Variants in CORO2B observed in about 807,000 individuals in gnomAD.
The protein encoded by CORO2B is coronin 2B, also known as coronin-2B.
Under a neutral mutation model 58.8 loss-of-function variants are expected in CORO2B, and 26 were observed. The observed-to-expected ratio is 0.44, with a 90% CI of 0.32 to 0.61. CORO2B has a LOEUF of 0.61. Ranked by LOEUF, CORO2B falls within the 20% of genes least tolerant of loss-of-function variation. CORO2B has a pLI of 0.04. For missense variants in CORO2B, 460 were observed against 645.1 expected (o/e 0.71, Z 3.11); for synonymous variants, 242 against 253.8 (o/e 0.95, Z 0.44).
chr15:68,682,781 C>G (rs1333433961), intron 2 of CORO2B, among the ~76,000 whole-genome samples: 2 of 152,172 alleles, frequency 1.3e-5, no homozygotes, highest in African/African-American at 2.4e-5. Context: ...AACCCAGGTC[C>G]CCTGAATCCC....
chr15:68,696,556 T>G (rs1193827220), intron 3 of CORO2B, among the ~76,000 whole-genome samples: 1 of 11,364 alleles, frequency 8.8e-5, no homozygotes, highest in African/African-American at 1.7e-4. Context: ...AGACTCTGCC[T>G]CAAAAAAAAA....
chr15:68,545,069 C>T, the CORO2B span, among the ~76,000 whole-genome samples: 1 of 152,184 alleles, frequency 6.6e-6, no homozygotes, highest in Non-Finnish European at 1.5e-5. Context: ...CCACCACGCC[C>T]GGCCTGCAAG....
At chr15:68,597,194 T>C (rs1459963078) in intron 1 of CORO2B, among the ~76,000 whole-genome samples, 1 of 151,208 alleles carries the variant, frequency 6.6e-6, no homozygotes, top group Admixed American at 6.6e-5. Flanking sequence ...CAGAGAGAGG[T>C]GGCTTTGCTC....
intron 2 of CORO2B, among the ~76,000 whole-genome samples, chr15:68,656,827 G>A (rs150716557): frequency 5.9e-5 from 9 of 152,312 alleles, no homozygotes; most frequent in Admixed American, 2.0e-4. Context: ...AGACATGCTA[G>A]TCCTAACCCC....
At chr15:68,689,549 AGTGTTG>A (rs1334596764) in intron 2 of CORO2B, among the ~76,000 whole-genome samples, 2 of 152,182 alleles carry the variant, frequency 1.3e-5, no homozygotes, top group Non-Finnish European at 1.5e-5. Context: ...GCCATGTGTT[AGTGTTG>A]GTGTTAGTGT....
At chr15:68,526,799 T>G in the CORO2B span, among the ~76,000 whole-genome samples, 3 of 152,248 alleles carry the variant, frequency 2.0e-5, no homozygotes, top group Admixed American at 2.0e-4. Flanking sequence ...TTTGTGTATG[T>G]GTACCTAGTA....
At position 68,644,972 on chromosome 15, in the gene CORO2B, G is replaced by A. The variant is rs531254211; in HGVS notation, c.16-188G>A. ...ATTAAAAGATGAAACCCACTAGAACGGGCTGGGCATATGAGTGTGCCCTGA... is the reference window on the plus strand; with the variant it reads ...ATTAAAAGATGAAACCCACTAGAACAGGCTGGGCATATGAGTGTGCCCTGA... On this transcript the variant is annotated intron_variant, in intron 1 of 11. Coordinates refer to ENST00000261861, the MANE Select transcript of CORO2B (RefSeq NM_006091.5). Among the ~76,000 whole-genome samples the A allele has an allele frequency of 2.0e-4, 31 of 152,264 alleles. No individual in the cohort carries two copies. The South Asian group carries it at 5.8e-3, about 29-fold the overall frequency.
At chr15:68,538,721 A>G in the CORO2B span, among the ~76,000 whole-genome samples, 1 of 151,974 alleles carries the variant, frequency 6.6e-6, no homozygotes, top group Admixed American at 6.6e-5. Flanking sequence ...ATATAACAAA[A>G]AAAACCCAGC....
chr15:68,658,258 G>C (rs757384536), intron 2 of CORO2B, among the ~76,000 whole-genome samples: 1 of 152,194 alleles, frequency 6.6e-6, no homozygotes, highest in South Asian at 2.1e-4. Context: ...ACCAGGGAGA[G>C]GGAACAGCTG....
At chr15:68,695,051 A>G in intron 2 of CORO2B, 89 bp from the exon 3 acceptor site, 1 of 951,688 alleles carries the variant, frequency 1.1e-6, no homozygotes, top group Non-Finnish European at 1.7e-6. Context: ...AGTCCAGTTG[A>G]GAGGCCCAGA....
At chr15:68,620,171 C>G (rs1048922610) in intron 1 of CORO2B, among the ~76,000 whole-genome samples, 3 of 152,186 alleles carry the variant, frequency 2.0e-5, no homozygotes, top group Non-Finnish European at 4.4e-5. Flanking sequence ...CTTGGCCTCC[C>G]AAAGTGCTGG....
At chr15:68,599,637 C>G (rs1298041146) in intron 1 of CORO2B, among the ~76,000 whole-genome samples, 1 of 152,070 alleles carries the variant, frequency 6.6e-6, no homozygotes, top group Non-Finnish European at 1.5e-5. Flanking sequence ...CTGGGTTGCC[C>G]TTGAGGAATT....
At chr15:68,601,586 G>T (rs1899984680) in intron 1 of CORO2B, among the ~76,000 whole-genome samples, 1 of 152,230 alleles carries the variant, frequency 6.6e-6, no homozygotes, top group African/African-American at 2.4e-5. Context: ...GGCATCAGAA[G>T]GCCTGCCCCA....
intron 3 of CORO2B, among the ~76,000 whole-genome samples, chr15:68,697,531 G>A (rs1309458449): frequency 6.6e-6 from 1 of 152,160 alleles, no homozygotes; most frequent in Non-Finnish European, 1.5e-5. Flanking sequence ...GAGGTGACTG[G>A]AAGGGTGGAG....
At chr15:68,553,684 T>G in the CORO2B span, among the ~76,000 whole-genome samples, 1 of 152,216 alleles carries the variant, frequency 6.6e-6, no homozygotes, top group Non-Finnish European at 1.5e-5. Context: ...TTTAAAGAAC[T>G]GGGAGTGACT....
At chr15:68,685,035 A>T (rs541724688) in intron 2 of CORO2B, among the ~76,000 whole-genome samples, 1 of 152,114 alleles carries the variant, frequency 6.6e-6, no homozygotes, top group South Asian at 2.1e-4. Flanking sequence ...CCATGAAAAA[A>T]CATCTTTCAT....
chr15:68,650,013 G>A (rs746706728), intron 2 of CORO2B, among the ~76,000 whole-genome samples: 2 of 152,200 alleles, frequency 1.3e-5, no homozygotes, highest in Non-Finnish European at 2.9e-5. Context: ...GACCAGCGAT[G>A]CAAAGTAATA....
chr15:68,701,297 GTTTCTTTTT>G (rs377024158), intron 3 of CORO2B, among the ~76,000 whole-genome samples: 4,671 of 151,534 alleles, frequency 0.031, 213 homozygotes, highest in African/African-American at 0.1. Context: ...TCTAGGACTA[GTTTCTTTTT>G]TTTCTTTTTT....
At chr15:68,664,265 T>C (rs548715758) in intron 2 of CORO2B, among the ~76,000 whole-genome samples, 29 of 152,290 alleles carry the variant, frequency 1.9e-4, no homozygotes, top group African/African-American at 6.0e-4. Context: ...TTCTGAAATG[T>C]TGACAAAATT....
Sources: allele counts gnomAD v4.1 joint callset (sites outside exome capture counted in the v4.1 genomes callset), GRCh38; gene constraint gnomAD v4.1.1; transcripts MANE v1.5; gene names NCBI Gene and HGNC (gene_info 2026-07-23, HGNC 2026-07-21).